The following VPS13D variants were observed in gnomAD, a reference collection of about 807,000 sequenced individuals.
VPS13D encodes the protein vacuolar protein sorting 13 homolog D, also known as intermembrane lipid transfer protein VPS13D.
In VPS13D, 187 loss-of-function variants were observed where a neutral mutation model predicts 461.9. That is an observed-to-expected ratio of 0.40 (90% CI 0.36 to 0.46). The LOEUF (loss-of-function observed/expected upper bound fraction) is 0.46, where lower values mean the gene tolerates loss of function less well. Among genes scored for constraint, VPS13D ranks in the 20% least tolerant of loss-of-function variants. The pLI is 0.60. For synonymous variants in VPS13D, 1,951 were observed against 1,986.3 expected, an observed-to-expected ratio of 0.98 and a Z score of 0.47; for missense variants, 4,711 against 5,364.9, an observed-to-expected ratio of 0.88 and a Z score of 3.81.
chr1:12,466,206 AAT>A (rs1350350287), intron 67 of VPS13D, among the ~76,000 whole-genome samples: 1 of 152,090 alleles, frequency 6.6e-6, no homozygotes, highest in African/African-American at 2.4e-5. Flanking sequence ...CTAGCTGGGT[AAT>A]ACTGCTTTTA....
intron 60 of VPS13D, among the ~76,000 whole-genome samples, chr1:12,391,020 A>G (rs1199247094): frequency 1.3e-5 from 2 of 152,318 alleles, no homozygotes; most frequent in African/African-American, 2.4e-5. Flanking sequence ...AGAGAGGTCC[A>G]TCCACATACC....
rs141864748 is a variant in VPS13D at position 12,349,311 on chromosome 1, C to G, written c.9368C>G (p.Ala3123Gly). Residue 3123 changes from alanine to glycine, a missense_variant, in exon 46 of 70, where the codon GCA becomes GGA. Coordinates refer to ENST00000620676, the MANE Select transcript of VPS13D (RefSeq NM_015378.4). ...PIHWTNVVKT[A>G]EISSSKRECH... The stretch of plus-strand genomic sequence containing the variant: ...CATTGGACCAATGTAGTGAAGACTG[C>G]AGAAATTAGTAGCAGTAAACGAGAG... 1.2e-6 allele frequency: 2 copies of G among 1,614,084 alleles called. No homozygotes were observed. Among genetic ancestry groups the G allele is most frequent in the African/African-American group, 2.7e-5 (2 of 74,984 alleles).
chr1:12,291,072 A>C lies in VPS13D; in HGVS notation c.5800A>C (p.Arg1934=). The change falls in exon 23 of 70, where the codon AGA becomes CGA. Residue 1934 remains arginine, a synonymous_variant. Coordinates refer to ENST00000620676, the MANE Select transcript of VPS13D (RefSeq NM_015378.4). ...CCTCACATGCCATGGAGAGTTCTAC[A>C]GAGAACGGTTCACTACCAGTGGTGA... ...SDLTCHGEFY[R]ERFTTSGEEA... 6.2e-7 allele frequency: 1 copy of C among 1,614,106 alleles called. No homozygotes were observed. Among genetic ancestry groups the C allele is most frequent in the Non-Finnish European group, 8.5e-7 (1 of 1,179,980 alleles).
intron 2 of VPS13D, among the ~76,000 whole-genome samples, chr1:12,237,343 A>C (rs75161210): frequency 7.2e-6 from 1 of 139,672 alleles, no homozygotes. Flanking sequence ...AAAAAAAAAA[A>C]TTAGCTGGGT....
chr1:12,348,068 C>G (rs1643714840), intron 44 of VPS13D, among the ~76,000 whole-genome samples: 2 of 152,044 alleles, frequency 1.3e-5, no homozygotes, highest in Non-Finnish European at 2.9e-5. Context: ...GACATGTCAA[C>G]AAATAATATA....
intron 23 of VPS13D, among the ~76,000 whole-genome samples, 193 bp from the exon 24 acceptor site, chr1:12,293,331 T>TA (rs1357585579): frequency 1.3e-5 from 2 of 152,220 alleles, no homozygotes; most frequent in Non-Finnish European, 2.9e-5. Context: ...CTCCTGGCTA[T>TA]CACACCTTTA....
chr1:12,447,655 G>A (rs1483867498), intron 65 of VPS13D, among the ~76,000 whole-genome samples: 3 of 152,162 alleles, frequency 2.0e-5, no homozygotes, highest in Admixed American at 6.5e-5. Flanking sequence ...TTTGCCACAA[G>A]AAGCTCAGCT....
chr1:12,322,215 G>A (rs1643057856), intron 33 of VPS13D, among the ~76,000 whole-genome samples: 1 of 152,082 alleles, frequency 6.6e-6, no homozygotes, highest in African/African-American at 2.4e-5. Flanking sequence ...ACAGGGGCCT[G>A]CCACCGTGCC....
chr1:12,498,573 G>C (rs967098263), intron 68 of VPS13D, among the ~76,000 whole-genome samples: 2 of 152,126 alleles, frequency 1.3e-5, no homozygotes, highest in African/African-American at 4.8e-5. Flanking sequence ...TGACCCCTGT[G>C]GTGTTATTAG....
intron 27 of VPS13D, among the ~76,000 whole-genome samples, chr1:12,309,849 C>G (rs776868217): frequency 1.9e-4 from 29 of 151,766 alleles, no homozygotes; most frequent in South Asian, 4.2e-4. Flanking sequence ...ACTCCCTTCA[C>G]AGTTCTTGGT....
chr1:12,374,909 T>A (rs1478627247), intron 55 of VPS13D, among the ~76,000 whole-genome samples: 1 of 152,174 alleles, frequency 6.6e-6, no homozygotes, highest in Non-Finnish European at 1.5e-5. Flanking sequence ...AACTAATTCT[T>A]GTATTTTTAG....
At chr1:12,300,530 A>G (rs567794341) in intron 25 of VPS13D, among the ~76,000 whole-genome samples, 14 of 152,098 alleles carry the variant, frequency 9.2e-5, no homozygotes, top group Non-Finnish European at 1.9e-4. Context: ...CTGTTCCTGC[A>G]TTAATTCGCT....
intron 67 of VPS13D, among the ~76,000 whole-genome samples, chr1:12,471,215 C>T (rs879410308): frequency 2.0e-5 from 3 of 152,238 alleles, no homozygotes; most frequent in African/African-American, 7.2e-5. Flanking sequence ...ACATGAGAAT[C>T]GCTTGAACCT....
At chr1:12,508,555 A>T (rs1646143756) in intron 69 of VPS13D, among the ~76,000 whole-genome samples, 1 of 151,670 alleles carries the variant, frequency 6.6e-6, no homozygotes, top group Non-Finnish European at 1.5e-5. Context: ...AAAAAAAAAA[A>T]AAAAAAAAAA....
chr1:12,462,708 C>T (rs531326786), intron 67 of VPS13D, among the ~76,000 whole-genome samples: 1 of 152,326 alleles, frequency 6.6e-6, no homozygotes, highest in African/African-American at 2.4e-5. Flanking sequence ...CAAGATATGG[C>T]ATTCCACATA....
chr1:12,497,696 GA>G (rs1645979449), intron 68 of VPS13D, 65 bp downstream of exon 68: 1 of 1,550,390 alleles, frequency 6.4e-7, no homozygotes, highest in African/African-American at 1.4e-5. Flanking sequence ...TTGATCCTGA[GA>G]AGTCTCCATC....
At chr1:12,247,348 C>T (rs1412226749) in intron 5 of VPS13D, among the ~76,000 whole-genome samples, 3 of 150,360 alleles carry the variant, frequency 2.0e-5, no homozygotes, top group African/African-American at 7.4e-5. Context: ...ACCCGGGAGA[C>T]GGAGGTTGCA....
At chr1:12,448,524 C>A (rs1012887995) in intron 65 of VPS13D, among the ~76,000 whole-genome samples, 14 of 152,238 alleles carry the variant, frequency 9.2e-5, no homozygotes, top group African/African-American at 2.6e-4. Flanking sequence ...AGCATACCCC[C>A]CTTCTGCCAA....
intron 46 of VPS13D, 63 bp from the exon 47 acceptor site, chr1:12,353,911 A>C (rs1569984591): frequency 6.5e-7 from 1 of 1,538,866 alleles, no homozygotes; most frequent in Non-Finnish European, 8.8e-7. Flanking sequence ...ATACTTAGCT[A>C]AGGAGAAAAA....
Sources: allele counts gnomAD v4.1 joint callset (sites outside exome capture counted in the v4.1 genomes callset), GRCh38; gene constraint gnomAD v4.1.1; transcripts MANE v1.5; gene names NCBI Gene and HGNC (gene_info 2026-07-23, HGNC 2026-07-21).